Variants in HOOK3 observed in about 807,000 individuals in gnomAD.
The protein encoded by HOOK3 is protein Hook homolog 3.
A neutral mutation model predicts 116.3 loss-of-function variants in HOOK3; 24 were observed. The observed-to-expected ratio is 0.21, with a 90% CI of 0.15 to 0.29. The LOEUF is 0.29. HOOK3 is among the 10% of genes least tolerant of loss of function. The probability of loss-of-function intolerance (pLI) is 1.00; values close to 1 mark genes in which losing one functional copy is unlikely to be tolerated. For missense variants in HOOK3, 632 were observed against 830.2 expected (o/e 0.76, Z 2.93); for synonymous variants, 275 against 283.0 (o/e 0.97, Z 0.28).
intron 13 of HOOK3, among the ~76,000 whole-genome samples, chr8:42,975,703 C>T (rs886099700): frequency 6.6e-6 from 1 of 152,076 alleles, no homozygotes; most frequent in African/African-American, 2.4e-5. Flanking sequence ...TAATACTTAC[C>T]TTAAGATAGA....
chr8:42,944,073 A>G (rs537734480), intron 5 of HOOK3, among the ~76,000 whole-genome samples: 4 of 152,360 alleles, frequency 2.6e-5, no homozygotes, highest in South Asian at 4.1e-4. Flanking sequence ...AGTATTACAT[A>G]TATCAAAATT....
At chr8:42,939,640 C>T (rs1289607395) in intron 4 of HOOK3, among the ~76,000 whole-genome samples, 1 of 151,612 alleles carries the variant, frequency 6.6e-6, no homozygotes, top group African/African-American at 2.4e-5. Context: ...CCACCTCCCT[C>T]CCGGACGGGG....
At chr8:42,996,535 A>G (rs1367281801) in intron 15 of HOOK3, among the ~76,000 whole-genome samples, 1 of 152,164 alleles carries the variant, frequency 6.6e-6, no homozygotes, top group Non-Finnish European at 1.5e-5. Flanking sequence ...TTTGTATTCC[A>G]TACAGGGTTG....
At chr8:42,909,274 C>T (rs1309939011) in intron 2 of HOOK3, among the ~76,000 whole-genome samples, 2 of 152,150 alleles carry the variant, frequency 1.3e-5, no homozygotes, top group African/African-American at 4.8e-5. Context: ...CCATATGATC[C>T]AGCAATCCCA....
chr8:42,989,676 C>T (rs867212430), intron 15 of HOOK3, among the ~76,000 whole-genome samples: 11 of 152,094 alleles, frequency 7.2e-5, no homozygotes, highest in East Asian at 3.9e-4. Context: ...CACTTTGTTG[C>T]GCTAGGAAAT....
intron 11 of HOOK3, among the ~76,000 whole-genome samples, chr8:42,971,312 G>T (rs1282128779): frequency 6.6e-6 from 1 of 152,158 alleles, no homozygotes; most frequent in Non-Finnish European, 1.5e-5. Flanking sequence ...TGTCGCTCAG[G>T]CTAGAGTGCA....
intron 15 of HOOK3, among the ~76,000 whole-genome samples, chr8:42,996,214 C>T (rs150501289): frequency 0.028 from 4,300 of 151,806 alleles, 209 homozygotes; most frequent in African/African-American, 0.098. Flanking sequence ...AGTGAAACCC[C>T]GTCTCTACTA....
In HOOK3 at chr8:42,974,682, C is replaced by T. The variant is rs1163355824; in HGVS notation, c.1321+488C>T. 4.6e-5 allele frequency among the ~76,000 whole-genome samples: 7 copies of T among 152,194 alleles called. No individual in the cohort carries two copies. The South Asian group carries it at 1.2e-3, about 27-fold the overall frequency. On this transcript the variant is annotated intron_variant, in intron 13 of 21. Coordinates refer to ENST00000307602, the MANE Select transcript of HOOK3 (RefSeq NM_032410.4). ...CCAGCGATTGCCTTTTCTTATTGGT[C>T]CAGATGGTGGTCCGAACCCTTAGTC...
intron 11 of HOOK3, among the ~76,000 whole-genome samples, chr8:42,968,694 C>G (rs1428909582): frequency 6.6e-6 from 1 of 152,076 alleles, no homozygotes; most frequent in African/African-American, 2.4e-5. Context: ...CTCTCCATAG[C>G]AGGTACTTTT....
chr8:43,000,819 A>G (rs1478150077), intron 16 of HOOK3: 1 of 152,322 alleles, frequency 6.6e-6, no homozygotes, highest in Non-Finnish European at 1.5e-5. Flanking sequence ...ATTGTTTGGC[A>G]TATTAACCAT....
rs906487416 is a variant in HOOK3 at position 43,022,447 on chromosome 8, C to A, written c.*3949C>A. The stretch of plus-strand genomic sequence containing the variant: ...TGTGTTGGGTTGGAGCACACTGTCA[C>A]CACAGTGTCTGAAGTCTTATAAACA... On this transcript the variant is annotated 3_prime_UTR_variant, in exon 22 of 22. Coordinates refer to ENST00000307602, the MANE Select transcript of HOOK3 (RefSeq NM_032410.4). 1.0e-5 allele frequency: 2 copies of A among 200,840 alleles called. No homozygotes were observed. The highest frequency in any genetic ancestry group is 2.0e-5 in the Non-Finnish European group (2 of 97,618). 12.4% of individuals were successfully genotyped at this position (200,840 alleles called of 1,614,324 possible). A position where few individuals can be genotyped will look rare whatever the true frequency, so the allele number is the denominator to read the frequency against.
At chr8:42,919,644 C>A (rs992351623) in intron 2 of HOOK3, among the ~76,000 whole-genome samples, 1 of 152,234 alleles carries the variant, frequency 6.6e-6, no homozygotes, top group Non-Finnish European at 1.5e-5. Context: ...GCACTCCAGC[C>A]TGGGCAACAT....
chr8:42,979,654 C>G (rs1172985016), intron 13 of HOOK3, among the ~76,000 whole-genome samples: 1 of 152,106 alleles, frequency 6.6e-6, no homozygotes, highest in East Asian at 1.9e-4. Context: ...TTAATCAGCT[C>G]TCTTCTTGCT....
intron 2 of HOOK3, among the ~76,000 whole-genome samples, chr8:42,907,520 G>T (rs1807333480): frequency 6.6e-6 from 1 of 152,058 alleles, no homozygotes; most frequent in African/African-American, 2.4e-5. Context: ...TCATTTTCAT[G>T]GTCCCCTCTG....
intron 5 of HOOK3, among the ~76,000 whole-genome samples, chr8:42,946,735 A>G (rs1417889821): frequency 1.7e-5 from 2 of 119,706 alleles, no homozygotes; most frequent in African/African-American, 6.2e-5. Flanking sequence ...CCCCATTCCT[A>G]TTTTATCATA....
intron 15 of HOOK3, among the ~76,000 whole-genome samples, chr8:42,995,599 G>A (rs183984833): frequency 2.0e-5 from 3 of 152,054 alleles, no homozygotes. Context: ...TTTGCTCATG[G>A]CCTCAGTTAA....
At chr8:42,975,913 G>A (rs762717158) in intron 13 of HOOK3, among the ~76,000 whole-genome samples, 87 of 152,092 alleles carry the variant, frequency 5.7e-4, no homozygotes, top group Non-Finnish European at 5.6e-4. Context: ...CACCGTGTTA[G>A]CCAGGATGGT....
At chr8:42,899,756 G>C (rs1319759730) in intron 1 of HOOK3, among the ~76,000 whole-genome samples, 2 of 152,206 alleles carry the variant, frequency 1.3e-5, no homozygotes, top group African/African-American at 4.8e-5. Context: ...CTGACACTCA[G>C]CAAAATGCAG....
intron 2 of HOOK3, among the ~76,000 whole-genome samples, chr8:42,921,161 G>GT (rs77756409): frequency 0.043 from 6,199 of 143,796 alleles, 186 homozygotes; most frequent in African/African-American, 0.092. Flanking sequence ...ACATTTTAAA[G>GT]TTTTTTTTTT....
Sources: gnomAD v4.1 joint callset for allele counts (sites outside exome capture counted in the v4.1 genomes callset) on GRCh38, gnomAD v4.1.1 for gene constraint, MANE v1.5 for transcripts, NCBI Gene and HGNC (gene_info 2026-07-23, HGNC 2026-07-21) for gene names.